Variants in ELP2 observed in about 807,000 individuals in gnomAD.
The protein encoded by ELP2 is elongator acetyltransferase complex subunit 2.
In ELP2, 90 loss-of-function variants were observed where a neutral mutation model predicts 119.2. The observed-to-expected ratio is 0.75, with a 90% confidence interval of 0.64 to 0.90. ELP2 has a LOEUF of 0.90. Among genes scored for constraint, ELP2 ranks in the 40% least tolerant of loss-of-function variants. The pLI, the probability that ELP2 is intolerant of heterozygous loss-of-function variation, is 0.00. For missense variants in ELP2, 921 were observed against 967.8 expected (o/e 0.95, Z 0.64); for synonymous variants, 339 against 331.0 (o/e 1.02, Z -0.26).
chr18:36,145,867 ATGT>A, intron 9 of ELP2, 78 bp from the exon 10 acceptor site: 3 of 1,136,302 alleles, frequency 2.6e-6, no homozygotes, highest in Non-Finnish European at 4.0e-6. Flanking sequence ...TGCAGTACCC[ATGT>A]TGTTTGTTGT....
At chr18:36,164,316 G>C (rs558634628) in intron 17 of ELP2, among the ~76,000 whole-genome samples, 159 bp from the exon 18 acceptor site, 1 of 152,176 alleles carries the variant, frequency 6.6e-6, no homozygotes, top group South Asian at 2.1e-4. Flanking sequence ...TCTTCCCAGA[G>C]ATAAGAAATG....
At chr18:36,166,997 G>GA in intron 18 of ELP2, 104 bp from the exon 19 acceptor site, 2 of 1,207,578 alleles carry the variant, frequency 1.7e-6, no homozygotes, top group Non-Finnish European at 2.2e-6. Context: ...CATATAAATT[G>GA]AATATTAAGT....
In ELP2 at chr18:36,145,052, C is replaced by T; in HGVS notation, c.892+18C>T. 6.3e-7 allele frequency: 1 copy of T among 1,575,390 alleles called. No homozygotes were observed. Among genetic ancestry groups the T allele is most frequent in the Non-Finnish European group, 8.7e-7 (1 of 1,144,710 alleles). ...TTACAAAGGTAGGAAGAAAACCATA[C>T]ACATATCCCTTACTCCAGTTAAATC... On this transcript the variant is annotated intron_variant, in intron 9 of 21. Coordinates refer to ENST00000358232, the MANE Select transcript of ELP2 (RefSeq NM_018255.4).
chr18:36,133,896 GGT>G (rs1567972232), intron 2 of ELP2, among the ~76,000 whole-genome samples: 3 of 114,754 alleles, frequency 2.6e-5, no homozygotes, highest in East Asian at 2.3e-4. Context: ...GTTTTTTAGG[GGT>G]TTTTTTTTTT....
rs562783805 is a variant in ELP2 at position 36,131,856 on chromosome 18, T to G, written c.139-1382T>G. Among the ~76,000 whole-genome samples, 9 of 152,054 alleles carry G rather than the reference T, an allele frequency of 5.9e-5. 1 individual carries two copies. In the East Asian group the frequency reaches 1.5e-3, roughly 26 times the overall value. ...AATGATAACCTGGTGGCTGAGCTAG[T>G]GAATTTTAGCATATTGACAAAGAAG... On this transcript the variant is annotated intron_variant, in intron 1 of 21. Transcript: ENST00000358232.
intron 18 of ELP2, chr18:36,165,027 A>G (rs1288149011): frequency 3.8e-6 from 1 of 266,590 alleles, no homozygotes; most frequent in African/African-American, 2.3e-5. Flanking sequence ...ATTTTATGGG[A>G]CAGGAATAAT....
chr18:36,167,324 T>G, intron 19 of ELP2, 102 bp downstream of exon 19: 1 of 897,780 alleles, frequency 1.1e-6, no homozygotes, highest in East Asian at 2.9e-5. Flanking sequence ...GTTACAGCTT[T>G]TAAAAATCAG....
chr18:36,170,963 C>A, intron 20 of ELP2, 84 bp from the exon 21 acceptor site: 2 of 963,788 alleles, frequency 2.1e-6, no homozygotes, highest in Non-Finnish European at 3.3e-6. Flanking sequence ...AGTTGGGACA[C>A]TGTGAAGAAC....
chr18:36,152,879 C>G (rs998855023), intron 11 of ELP2, among the ~76,000 whole-genome samples: 1 of 152,236 alleles, frequency 6.6e-6, no homozygotes, highest in African/African-American at 2.4e-5. Context: ...TGATACCAGT[C>G]TATAAGATGG....
In ELP2 at chr18:36,174,684, ATAT is replaced by A. The variant is rs1426425238; in HGVS notation, c.*47_*49del. ...TGCTTGCAGTCACTGGTATCTTAAA[ATAT>A]TATCATGTAAACAGGTCATCTTTAC... On this transcript the variant is annotated 3_prime_UTR_variant, in exon 22 of 22. Coordinates refer to ENST00000358232, the MANE Select transcript of ELP2 (RefSeq NM_018255.4). 2 of 1,597,530 alleles carry A rather than the reference ATAT, an allele frequency of 1.3e-6. No individual in the cohort carries two copies. The highest frequency in any genetic ancestry group is 2.7e-5 in the African/African-American group (2 of 74,574).
At chr18:36,164,427 C>A in intron 17 of ELP2, 48 bp from the exon 18 acceptor site, 2 of 1,509,360 alleles carry the variant, frequency 1.3e-6, no homozygotes, top group African/African-American at 1.4e-5. Context: ...GTTTTCTCTT[C>A]AGTTTATTTT....
At chr18:36,156,702 A>G (rs1367113487) in intron 13 of ELP2, 48 bp downstream of exon 13, 15 of 1,559,476 alleles carry the variant, frequency 9.6e-6, no homozygotes, top group Non-Finnish European at 1.3e-5. Context: ...ACTTCATTTT[A>G]AATTTAAAAG....
Position 36,174,899 on chromosome 18 carries a change from G to T in ELP2, c.*258G>T, listed in dbSNP as rs1159641848. On this transcript the variant is annotated 3_prime_UTR_variant, in exon 22 of 22. Coordinates refer to ENST00000358232, the MANE Select transcript of ELP2 (RefSeq NM_018255.4). ...TAGTAGAGACTGGGTTTCACCGTTGGCCAGGCGGGTCTCAAACTCCTCGTC... is the reference window on the plus strand; with the variant it reads ...TAGTAGAGACTGGGTTTCACCGTTGTCCAGGCGGGTCTCAAACTCCTCGTC... 1 of 395,840 alleles carries T rather than the reference G, an allele frequency of 2.5e-6. No individual in the cohort carries two copies. Among genetic ancestry groups the T allele is most frequent in the Non-Finnish European group, 4.7e-6 (1 of 211,794 alleles). The allele number at this position is 395,840 out of a possible 1,614,324, so 24.5% of individuals were successfully genotyped here.
At chr18:36,148,649 A>C (rs2090291137) in intron 11 of ELP2, among the ~76,000 whole-genome samples, 1 of 152,168 alleles carries the variant, frequency 6.6e-6, no homozygotes, top group South Asian at 2.1e-4. Flanking sequence ...ATTTGAGCCC[A>C]GGAGCTTGAG....
At position 36,138,825 on chromosome 18, in the gene ELP2, A is replaced by G. The variant is rs147765982; in HGVS notation, c.476A>G (p.Asn159Ser). The change falls in exon 5 of 22, where the codon AAT (asparagine) becomes AGT (serine). Residue 159 changes from asparagine (N) to serine (S), a missense_variant. By Grantham distance (46) the Asn-to-Ser change is conservative. Coordinates refer to ENST00000358232, the MANE Select transcript of ELP2 (RefSeq NM_018255.4). ...VMCLQTLNFGNGFALALCLSF... is the reference protein window; with the variant it reads ...VMCLQTLNFGSGFALALCLSF... Reference sequence around the variant, plus strand: ...TGCCTTCAGACTTTAAACTTTGGAAATGGATTTGCTTTGGCTCTCTGCTTA... The same window carrying G: ...TGCCTTCAGACTTTAAACTTTGGAAGTGGATTTGCTTTGGCTCTCTGCTTA... The G allele has an allele frequency of 3.1e-6, 5 of 1,613,850 alleles. No homozygotes were observed. The African/African-American group carries it at 4.0e-5, about 13-fold the overall frequency.
intron 5 of ELP2, among the ~76,000 whole-genome samples, chr18:36,140,381 C>T (rs923525114): frequency 2.0e-5 from 3 of 152,032 alleles, no homozygotes; most frequent in Non-Finnish European, 4.4e-5. Flanking sequence ...GAGTCTCGCT[C>T]CGTCGCCCAG....
intron 16 of ELP2, 77 bp from the exon 17 acceptor site, chr18:36,160,855 C>T: frequency 1.0e-6 from 1 of 957,814 alleles, no homozygotes. Context: ...TGATGTTATT[C>T]TTTTTACTTT....
Position 36,179,426 on chromosome 18 carries a change from A to G in ELP2, c.*4785A>G, listed in dbSNP as rs1205611251. On this transcript the variant is annotated 3_prime_UTR_variant, in exon 22 of 22. Transcript: ENST00000358232. ...AGGAGGAGGAGGTTGCAGTGGGCCG[A>G]GATCGAGCCACTGCACTCCAGCCTG... 7.7e-5 allele frequency: 11 copies of G among 143,250 alleles called. No individual in the cohort carries two copies. The highest frequency in any genetic ancestry group is 1.5e-4 in the Non-Finnish European group (10 of 66,554). 8.9% of individuals were successfully genotyped at this position (143,250 alleles called of 1,614,324 possible).
intron 11 of ELP2, among the ~76,000 whole-genome samples, chr18:36,149,768 G>T (rs529467609): frequency 2.0e-5 from 3 of 151,922 alleles, no homozygotes; most frequent in East Asian, 1.9e-4. Flanking sequence ...TTCCACTCAT[G>T]TTGAGTGTGA....
Sources: allele counts gnomAD v4.1 joint callset (sites outside exome capture counted in the v4.1 genomes callset), GRCh38; gene constraint gnomAD v4.1.1; transcripts MANE v1.5; gene names NCBI Gene and HGNC (gene_info 2026-07-23, HGNC 2026-07-21).